The following TMEM132B variants were observed in gnomAD, a reference collection of about 807,000 sequenced individuals.
The protein encoded by TMEM132B is transmembrane protein 132B.
In TMEM132B, 18 loss-of-function variants were observed where a neutral mutation model predicts 90.8. The ratio of observed to expected loss-of-function variants is 0.20; its 90% CI spans 0.14 to 0.29. The LOEUF is 0.29. Ranked by LOEUF, TMEM132B falls within the 10% of genes least tolerant of loss-of-function variation. The pLI is 1.00. For synonymous variants in TMEM132B, 504 were observed against 523.3 expected (o/e 0.96, Z 0.50); for missense variants, 1,096 against 1,326.8 (o/e 0.83, Z 2.70).
At chr12:125,591,389 ACT>A (rs1340628167) in intron 5 of TMEM132B, among the ~76,000 whole-genome samples, 3 of 151,034 alleles carry the variant, frequency 2.0e-5, no homozygotes. Flanking sequence ...AGCATCTCCA[ACT>A]CTCTCTCTCT....
At chr12:125,621,155 T>A (rs1886103144) in intron 5 of TMEM132B, among the ~76,000 whole-genome samples, 2 of 152,156 alleles carry the variant, frequency 1.3e-5, no homozygotes, top group South Asian at 4.1e-4. Context: ...CTTGAATGGG[T>A]CACGTTTATA....
rs193140427 is a variant in TMEM132B at position 125,228,752 on chromosome 12, G to A, written c.67+41886G>A. On this transcript the variant is annotated intron_variant, in intron 1 of 8. Transcript: ENST00000682704. ...GGCTGCTAGAATAACATTTTGTTTA[G>A]GAGGTGATGGGCCCAGCTCCAGAGA... is the stretch of plus-strand genomic sequence containing the variant. Among the ~76,000 whole-genome samples, 26 of 152,294 alleles carry A rather than the reference G, an allele frequency of 1.7e-4. 1 individual carries two copies. In the East Asian group the frequency reaches 4.8e-3, roughly 28 times the overall value.
At chr12:125,419,675 G>C (rs954166329) in intron 3 of TMEM132B, among the ~76,000 whole-genome samples, 3 of 152,084 alleles carry the variant, frequency 2.0e-5, no homozygotes, top group Non-Finnish European at 4.4e-5. Flanking sequence ...TTCAAAACCA[G>C]TCATGCCTCC....
At chr12:125,456,963 C>T (rs1324367939) in intron 3 of TMEM132B, among the ~76,000 whole-genome samples, 1 of 152,164 alleles carries the variant, frequency 6.6e-6, no homozygotes, top group Non-Finnish European at 1.5e-5. Flanking sequence ...CTTCTCTTTC[C>T]CAGCCCTGGA....
chr12:125,293,939 T>C (rs1447022705), intron 1 of TMEM132B, among the ~76,000 whole-genome samples: 1 of 152,184 alleles, frequency 6.6e-6, no homozygotes, highest in African/African-American at 2.4e-5. Context: ...ATGTTCCCTC[T>C]TGAGATACTT....
intron 1 of TMEM132B, among the ~76,000 whole-genome samples, chr12:125,254,971 C>T (rs1463189399): frequency 6.6e-6 from 1 of 152,146 alleles, no homozygotes; most frequent in Non-Finnish European, 1.5e-5. Flanking sequence ...AGGTGTGAGC[C>T]ACTGTGCCCG....
At chr12:125,473,494 C>T (rs1881775726) in intron 3 of TMEM132B, among the ~76,000 whole-genome samples, 1 of 152,216 alleles carries the variant, frequency 6.6e-6, no homozygotes, top group Admixed American at 6.5e-5. Context: ...AAGTGTGTGG[C>T]TTATAATAGT....
chr12:125,594,090 C>T (rs771052598), intron 5 of TMEM132B, among the ~76,000 whole-genome samples: 1 of 152,186 alleles, frequency 6.6e-6, no homozygotes, highest in Non-Finnish European at 1.5e-5. Flanking sequence ...CAGATAGCCA[C>T]TCATCTTCTC....
chr12:125,568,828 T>C (rs1441669278), intron 4 of TMEM132B, among the ~76,000 whole-genome samples: 2 of 152,352 alleles, frequency 1.3e-5, no homozygotes, highest in South Asian at 2.1e-4. Flanking sequence ...GTGGGTCTCT[T>C]GCTAAATGCA....
intron 5 of TMEM132B, among the ~76,000 whole-genome samples, chr12:125,632,500 G>A (rs535673803): frequency 1.3e-5 from 2 of 152,118 alleles, no homozygotes; most frequent in South Asian, 4.2e-4. Flanking sequence ...GCACCTTCAG[G>A]TGATTACTTA....
chr12:125,631,637 T>C (rs1356518316), intron 5 of TMEM132B, among the ~76,000 whole-genome samples: 1 of 152,136 alleles, frequency 6.6e-6, no homozygotes, highest in Non-Finnish European at 1.5e-5. Context: ...TTAGTTCTAA[T>C]AGTATTTGCT....
At chr12:125,574,608 CTG>C (rs1364223918) in intron 4 of TMEM132B, among the ~76,000 whole-genome samples, 5 of 152,080 alleles carry the variant, frequency 3.3e-5, no homozygotes, top group African/African-American at 7.2e-5. Flanking sequence ...AAAGGAGAGA[CTG>C]TCAATATTTA....
At chr12:125,309,425 T>C (rs937285241) in intron 1 of TMEM132B, among the ~76,000 whole-genome samples, 2 of 152,238 alleles carry the variant, frequency 1.3e-5, no homozygotes, top group African/African-American at 4.8e-5. Flanking sequence ...TCCCACACTT[T>C]AGAATCTTAA....
chr12:125,318,424 A>G (rs1876343304), intron 1 of TMEM132B, among the ~76,000 whole-genome samples: 1 of 151,816 alleles, frequency 6.6e-6, no homozygotes, highest in Non-Finnish European at 1.5e-5. Flanking sequence ...ACGTAGGTAA[A>G]TGTGTGCGAT....
At chr12:125,566,031 A>G (rs1443179586) in intron 4 of TMEM132B, among the ~76,000 whole-genome samples, 1 of 152,352 alleles carries the variant, frequency 6.6e-6, no homozygotes, top group East Asian at 1.9e-4. Flanking sequence ...GCTGTGAGGA[A>G]GGTTTGAAAC....
intron 1 of TMEM132B, among the ~76,000 whole-genome samples, chr12:125,344,463 T>A (rs1447762388): frequency 6.6e-6 from 1 of 152,180 alleles, no homozygotes; most frequent in African/African-American, 2.4e-5. Context: ...CAGAAGCTGC[T>A]GGGTTAAGCA....
intron 3 of TMEM132B, among the ~76,000 whole-genome samples, chr12:125,483,081 A>G: frequency 8.2e-6 from 1 of 121,448 alleles, no homozygotes; most frequent in East Asian, 2.6e-4. Context: ...AACATCACAC[A>G]CTGGGGCCTG....
chr12:125,478,732 C>T (rs1212930749), intron 3 of TMEM132B, among the ~76,000 whole-genome samples: 2 of 152,084 alleles, frequency 1.3e-5, no homozygotes, highest in African/African-American at 2.4e-5. Context: ...CAAGGCAGGC[C>T]AACATTCAAA....
intron 3 of TMEM132B, among the ~76,000 whole-genome samples, chr12:125,517,327 A>G (rs2077036): frequency 0.53 from 14,687 of 27,632 alleles, 2,792 homozygotes; most frequent in East Asian, 0.72. Flanking sequence ...TGCCCTGCTG[A>G]TTTTTTTTTT....
Sources: allele counts gnomAD v4.1 joint callset (sites outside exome capture counted in the v4.1 genomes callset), GRCh38; gene constraint gnomAD v4.1.1; transcripts MANE v1.5; gene names NCBI Gene and HGNC (gene_info 2026-07-23, HGNC 2026-07-21).